Variants in FAT4 observed in about 807,000 individuals in gnomAD.
The protein encoded by FAT4 is protocadherin Fat 4.
A neutral mutation model predicts 303.9 loss-of-function variants in FAT4; 84 were observed. The observed-to-expected ratio is 0.28, with a 90% CI of 0.23 to 0.33. FAT4 has a LOEUF of 0.33. Ranked by LOEUF, FAT4 falls within the 10% of genes least tolerant of loss-of-function variation. FAT4 has a pLI of 1.00. For missense variants in FAT4, 6,005 were observed against 6,146.8 expected, an observed-to-expected ratio of 0.98 and a Z score of 0.77; for synonymous variants, 2,307 against 2,298.8, an observed-to-expected ratio of 1.00 and a Z score of -0.10.
Position 125,450,410 on chromosome 4 carries a change from A to T in FAT4, c.9400A>T (p.Asn3134Tyr). Residue 3134 changes from asparagine (N) to tyrosine (Y), a missense_variant, in exon 10 of 18, where the codon AAT becomes TAT. Transcript: ENST00000394329. ...GATTAAGTACAGCATTTCTTCAGGA[A>T]ATGAAGAAGGCATTTTTGCAATCAA... ...GLIKYSISSG[N>Y]EEGIFAINSS... is the part of the protein sequence containing the mutation. 2 of 1,614,090 alleles carry T rather than the reference A, an allele frequency of 1.2e-6. No homozygotes were observed. Among genetic ancestry groups the T allele is most frequent in the Non-Finnish European group, 1.7e-6 (2 of 1,179,996 alleles).
chr4:125,416,471 A>C lies in FAT4; in HGVS notation c.6867A>C (p.Arg2289=). 1 of 1,613,710 alleles carries C rather than the reference A, an allele frequency of 6.2e-7. No homozygotes were observed. Among genetic ancestry groups the C allele is most frequent in the Non-Finnish European group, 8.5e-7 (1 of 1,179,762 alleles). Reference sequence around the variant, plus strand: ...AGGTGGTGGCAAGAGATGATGATCGAGGATCTAACAGCAAACTCTCATATG... The same window carrying C: ...AGGTGGTGGCAAGAGATGATGATCGCGGATCTAACAGCAAACTCTCATATG... ...ILQVVARDDD[R]GSNSKLSYVL... is the part of the protein sequence containing the mutation. The change falls in exon 7 of 18, where the codon CGA becomes CGC. Residue 2289 remains arginine, a synonymous_variant. Transcript: ENST00000394329.
At chr4:125,331,332 T>G (rs1438222968) in intron 2 of FAT4, among the ~76,000 whole-genome samples, 1 of 152,172 alleles carries the variant, frequency 6.6e-6, no homozygotes, top group African/African-American at 2.4e-5. Context: ...CTGCTTAAGC[T>G]TCAGGAGCTC....
chr4:125,354,478 A>G (rs1413590588), intron 2 of FAT4, among the ~76,000 whole-genome samples: 2 of 151,768 alleles, frequency 1.3e-5, no homozygotes, highest in Non-Finnish European at 2.9e-5. Context: ...CTGATGGAAT[A>G]TTGAACACGC....
intron 8 of FAT4, among the ~76,000 whole-genome samples, chr4:125,441,447 A>G (rs1414176813): frequency 6.6e-6 from 1 of 152,202 alleles, no homozygotes; most frequent in East Asian, 1.9e-4. Context: ...TGGGTTAGGA[A>G]TGGACTTTGT....
intron 2 of FAT4, among the ~76,000 whole-genome samples, chr4:125,379,248 G>GTT (rs750034383): frequency 1.4e-5 from 2 of 140,000 alleles, no homozygotes; most frequent in Non-Finnish European, 1.6e-5. Context: ...CTTTTAAAAA[G>GTT]TTTTTTTTTT....
rs114433670 is a variant in FAT4 at position 125,367,746 on chromosome 4, A to G, written c.5176-31038A>G. ...GGTGAAATTTAGGGTGACCATTGCC[A>G]TTTTTAATCAGATATCCCCAAAATT... On this transcript the variant is annotated intron_variant, in intron 2 of 17. Coordinates refer to ENST00000394329, the MANE Select transcript of FAT4 (RefSeq NM_001291303.3). 2.8e-3 allele frequency among the ~76,000 whole-genome samples: 427 copies of G among 152,268 alleles called. 1 individual carries two copies. The highest frequency in any genetic ancestry group is 9.7e-3 in the African/African-American group (405 of 41,568).
In FAT4 at chr4:125,317,876, C is replaced by G. The variant is rs1730702735; in HGVS notation, c.1465C>G (p.Pro489Ala). The G allele has an allele frequency of 1.2e-6, 2 of 1,614,180 alleles. No individual in the cohort carries two copies. The highest frequency in any genetic ancestry group is 1.7e-6 in the Non-Finnish European group (2 of 1,180,026). Residue 489 changes from proline to alanine, a missense_variant, in exon 2 of 18, where the codon CCT becomes GCT. Transcript: ENST00000394329. This position sits in a 1 kb window ranked among gnomAD's most constrained non-coding sequence, Gnocchi z 7.0. Reference sequence around the variant, plus strand: ...CAGAGTGAACCTGAGCGAGGAGGCGCCTCCGGGAAGCTATGTGAGTGGGAT... The same window carrying G: ...CAGAGTGAACCTGAGCGAGGAGGCGGCTCCGGGAAGCTATGTGAGTGGGAT... ...VYRVNLSEEA[P>A]PGSYVSGISA...
intron 2 of FAT4, among the ~76,000 whole-genome samples, chr4:125,397,561 T>C (rs1734232718): frequency 6.6e-6 from 1 of 152,300 alleles, no homozygotes; most frequent in South Asian, 2.1e-4. Flanking sequence ...TTTGAGCCAT[T>C]TGTTTTATGA....
At chr4:125,383,402 A>C (rs12505066) in intron 2 of FAT4, among the ~76,000 whole-genome samples, 144,855 of 152,130 alleles carry the variant, frequency 0.95, 69,346 homozygotes, top group East Asian at 1. Context: ...GAATGGCTGG[A>C]CAGTAGAGGA....
In FAT4 at chr4:125,415,735, G is replaced by A. The variant is rs755536979; in HGVS notation, c.6772G>A (p.Val2258Ile). The A allele has an allele frequency of 3.0e-5, 49 of 1,613,944 alleles. 1 individual carries two copies. Among genetic ancestry groups the A allele is most frequent in the African/African-American group, 6.7e-5 (5 of 75,036 alleles). ...VLLDINDFVP[V>I]FELSPYSVNV... is the part of the protein sequence containing the mutation. ...ACTGGATATTAATGACTTTGTTCCT[G>A]TATTTGAGCTATCTCCATATTCTGT... The change falls in exon 6 of 18, where the codon GTA (valine) becomes ATA (isoleucine). Residue 2258 changes from valine (V) to isoleucine (I), a missense_variant. Coordinates refer to ENST00000394329, the MANE Select transcript of FAT4 (RefSeq NM_001291303.3).
chr4:125,476,332 A>G, intron 13 of FAT4, 76 bp downstream of exon 13: 1 of 715,240 alleles, frequency 1.4e-6, no homozygotes, highest in Non-Finnish European at 2.2e-6. Context: ...AAAAATAATT[A>G]TAGGATGCTA....
intron 5 of FAT4, among the ~76,000 whole-genome samples, chr4:125,414,243 A>G (rs1337265442): frequency 1.3e-5 from 2 of 152,104 alleles, no homozygotes; most frequent in South Asian, 2.1e-4. Flanking sequence ...CATGATCCTA[A>G]GAAAAATCAA....
chr4:125,328,937 T>C (rs1731264625), intron 2 of FAT4, among the ~76,000 whole-genome samples: 1 of 150,522 alleles, frequency 6.6e-6, no homozygotes, highest in African/African-American at 2.5e-5. Flanking sequence ...ATGTAAAAAG[T>C]TGTTTTCATA....
At chr4:125,361,831 C>T (rs978551157) in intron 2 of FAT4, among the ~76,000 whole-genome samples, 2 of 152,086 alleles carry the variant, frequency 1.3e-5, no homozygotes, top group African/African-American at 4.8e-5. Flanking sequence ...TCTATTTGTT[C>T]TCATGTGCAA....
intron 2 of FAT4, among the ~76,000 whole-genome samples, chr4:125,396,855 G>A (rs1306490670): frequency 2.7e-5 from 4 of 150,526 alleles, no homozygotes; most frequent in South Asian, 2.1e-4. Context: ...AAAAATTTAC[G>A]TGTATAAAGT....
intron 2 of FAT4, among the ~76,000 whole-genome samples, chr4:125,324,180 T>A (rs1348617312): frequency 1.3e-5 from 2 of 152,228 alleles, no homozygotes; most frequent in African/African-American, 4.8e-5. Context: ...CAGAAGAGCT[T>A]AGATAGTCTT....
intron 2 of FAT4, 94 bp from the exon 3 acceptor site, chr4:125,398,690 C>A: frequency 8.2e-7 from 1 of 1,215,612 alleles, no homozygotes; most frequent in Non-Finnish European, 1.2e-6. Flanking sequence ...TTCATTTTGG[C>A]AGTCTTGATT....
At position 125,448,556 on chromosome 4, in the gene FAT4, C is replaced by T. The variant is rs764574932; in HGVS notation, c.7546C>T (p.His2516Tyr). The change falls in exon 10 of 18, where the codon CAC becomes TAC. Residue 2516 changes from histidine (H) to tyrosine (Y), a missense_variant. Transcript: ENST00000394329. ...TTCGGGTAGAAATTCTGAAAAATTTCACATTGACCCACTGAGGGGAGCCAT... is the reference window on the plus strand; with the variant it reads ...TTCGGGTAGAAATTCTGAAAAATTTTACATTGACCCACTGAGGGGAGCCAT... ...SLSGRNSEKF[H>Y]IDPLRGAIMA... The T allele has an allele frequency of 6.2e-7, 1 of 1,613,858 alleles. No individual in the cohort carries two copies. Among genetic ancestry groups the T allele is most frequent in the Non-Finnish European group, 8.5e-7 (1 of 1,179,890 alleles).
At position 125,449,945 on chromosome 4, in the gene FAT4, A is replaced by T. The variant is rs1725987575; in HGVS notation, c.8935A>T (p.Asn2979Tyr). ...TTVTINIVDS[N>Y]DNAPQFLKSK... ...AGTTACCATCAATATAGTGGACAGTAATGACAATGCACCTCAATTTCTTAA... is the reference window on the plus strand; with the variant it reads ...AGTTACCATCAATATAGTGGACAGTTATGACAATGCACCTCAATTTCTTAA... Residue 2979 changes from asparagine to tyrosine, a missense_variant, in exon 10 of 18, where the codon AAT (asparagine) becomes TAT (tyrosine). By Grantham distance (143) the Asn-to-Tyr change is moderately radical (BLOSUM62 -2). Transcript: ENST00000394329. The T allele has an allele frequency of 6.2e-7, 1 of 1,613,908 alleles. No individual in the cohort carries two copies. Among genetic ancestry groups the T allele is most frequent in the Non-Finnish European group, 8.5e-7 (1 of 1,179,906 alleles).
Sources: allele counts gnomAD v4.1 joint callset (sites outside exome capture counted in the v4.1 genomes callset), GRCh38; gene constraint gnomAD v4.1.1; non-coding constraint Gnocchi (gnomAD v3.1); transcripts MANE v1.5; gene names NCBI Gene and HGNC (gene_info 2026-07-23, HGNC 2026-07-21).